Variants in DYM observed in about 807,000 individuals in gnomAD.
DYM encodes the protein dyggve-Melchior-Clausen syndrome protein.
A neutral mutation model predicts 93.1 loss-of-function variants in DYM; 78 were observed. The observed-to-expected ratio is 0.84, with a 90% CI of 0.70 to 1.01. The LOEUF is 1.01. DYM is among the 50% of genes least tolerant of loss of function. The pLI is 0.00. For synonymous variants in DYM, 321 were observed against 319.7 expected, an observed-to-expected ratio of 1.00 and a Z score of -0.04; for missense variants, 789 against 845.0, an observed-to-expected ratio of 0.93 and a Z score of 0.82.
intron 8 of DYM, among the ~76,000 whole-genome samples, chr18:49,329,176 T>C (rs2063134304): frequency 6.6e-6 from 1 of 151,256 alleles, no homozygotes; most frequent in Non-Finnish European, 1.5e-5. Flanking sequence ...GAGCAAACTA[T>C]TGCAAGGACA....
At chr18:49,048,654 G>A (rs1037112160) in intron 17 of DYM, among the ~76,000 whole-genome samples, 1 of 148,594 alleles carries the variant, frequency 6.7e-6, no homozygotes, top group African/African-American at 2.6e-5. Context: ...CAGAAACTTA[G>A]GCAAGGCTGC....
chr18:49,323,757 C>A (rs2062679295), intron 8 of DYM, among the ~76,000 whole-genome samples: 1 of 152,206 alleles, frequency 6.6e-6, no homozygotes, highest in Non-Finnish European at 1.5e-5. Flanking sequence ...TATTTTGTTA[C>A]ATTAGCCCAA....
chr18:49,331,187 A>G (rs1198489265), intron 8 of DYM, among the ~76,000 whole-genome samples: 1 of 152,220 alleles, frequency 6.6e-6, no homozygotes, highest in African/African-American at 2.4e-5. Context: ...CGACCTCACA[A>G]GTACCAAAGT....
At chr18:49,335,949 G>C (rs2063635213) in intron 6 of DYM, among the ~76,000 whole-genome samples, 1 of 152,070 alleles carries the variant, frequency 6.6e-6, no homozygotes. Flanking sequence ...AAGTAGCTGG[G>C]ACTACAGGCA....
intron 15 of DYM, among the ~76,000 whole-genome samples, chr18:49,144,265 A>T (rs2084839694): frequency 6.6e-6 from 1 of 151,768 alleles, no homozygotes; most frequent in African/African-American, 2.4e-5. Flanking sequence ...TTTCCCCAGA[A>T]AATTGGTAGC....
intron 13 of DYM, among the ~76,000 whole-genome samples, chr18:49,213,367 G>A (rs2092880738): frequency 6.6e-6 from 1 of 151,320 alleles, no homozygotes; most frequent in African/African-American, 2.4e-5. Flanking sequence ...CATGATCTCG[G>A]CTCACTGCAA....
intron 15 of DYM, among the ~76,000 whole-genome samples, chr18:49,159,439 G>C (rs1490450361): frequency 6.6e-6 from 1 of 152,182 alleles, no homozygotes; most frequent in African/African-American, 2.4e-5. Context: ...ATTAATAAAA[G>C]CTATGAAGTC....
In DYM at chr18:49,241,315, C is replaced by T. The variant is rs770198506; in HGVS notation, c.1460+15695G>A. Among the ~76,000 whole-genome samples, 5 of 152,288 alleles carry T rather than the reference C, an allele frequency of 3.3e-5. No individual in the cohort carries two copies. In the East Asian group the frequency reaches 9.6e-4, roughly 29 times the overall value. On this transcript the variant is annotated intron_variant, in intron 13 of 17. Coordinates refer to ENST00000675505, the MANE Select transcript of DYM (RefSeq NM_001353214.3). The stretch of plus-strand genomic sequence containing the variant: ...AGGTCTGCCAAAAAGAACATTTCTA[C>T]GCTAGGGTCAAACTTGGATTTCAAT...
intron 2 of DYM, among the ~76,000 whole-genome samples, chr18:49,399,934 C>CTTTTTTTTTTTTTTT (rs1201370040): frequency 8.0e-4 from 53 of 66,120 alleles, no homozygotes; most frequent in Non-Finnish European, 9.9e-4. Context: ...TTTTATTTTT[C>CTTTTTTTTTTTTTTT]TTTTTTTTTT....
intron 14 of DYM, among the ~76,000 whole-genome samples, chr18:49,179,093 G>A (rs2089668660): frequency 6.6e-6 from 1 of 152,082 alleles, no homozygotes; most frequent in African/African-American, 2.4e-5. Context: ...CAAGAGAGGT[G>A]ACAACTAGAC....
intron 2 of DYM, among the ~76,000 whole-genome samples, chr18:49,422,504 C>A (rs915659900): frequency 6.6e-6 from 1 of 152,126 alleles, no homozygotes; most frequent in African/African-American, 2.4e-5. Context: ...GGCAAAATAA[C>A]CAGCTAACAT....
At chr18:49,107,879 T>C (rs531408030) in intron 16 of DYM, among the ~76,000 whole-genome samples, 5 of 152,316 alleles carry the variant, frequency 3.3e-5, no homozygotes, top group Admixed American at 3.3e-4. Context: ...AGGCAGTCTG[T>C]CCATTCTCAG....
At chr18:49,261,749 C>T (rs76416638) in intron 11 of DYM, among the ~76,000 whole-genome samples, 13,780 of 152,110 alleles carry the variant, frequency 0.091, 835 homozygotes, top group East Asian at 0.31. Context: ...GTACAAAAAA[C>T]AATTGACATC....
chr18:49,203,443 C>A (rs981989555), intron 14 of DYM, among the ~76,000 whole-genome samples: 3 of 147,306 alleles, frequency 2.0e-5, no homozygotes, highest in African/African-American at 7.8e-5. Context: ...ATTGAGAAAT[C>A]GGATGGTTGC....
intron 15 of DYM, among the ~76,000 whole-genome samples, chr18:49,124,530 T>C (rs1464701855): frequency 2.6e-5 from 4 of 151,074 alleles, no homozygotes; most frequent in Non-Finnish European, 3.0e-5. Flanking sequence ...AAAAAGAAAC[T>C]TTATATTAAT....
chr18:49,421,791 C>G (rs183163529), intron 2 of DYM, among the ~76,000 whole-genome samples: 10 of 152,128 alleles, frequency 6.6e-5, no homozygotes, highest in Admixed American at 6.5e-4. Context: ...TAGAATAAAC[C>G]GCATAGAGAA....
intron 8 of DYM, among the ~76,000 whole-genome samples, chr18:49,331,180 C>A (rs1006185865): frequency 6.6e-6 from 1 of 152,174 alleles, no homozygotes; most frequent in Non-Finnish European, 1.5e-5. Flanking sequence ...CCCAGGCCGA[C>A]CTCACAAGTA....
At chr18:49,166,485 A>C (rs780792872) in intron 14 of DYM, among the ~76,000 whole-genome samples, 13 of 152,298 alleles carry the variant, frequency 8.5e-5, no homozygotes, top group Middle Eastern at 3.4e-3. Context: ...CCTGAGTGAG[A>C]CTATCTTTTG....
chr18:49,335,026 G>C (rs2063560143), intron 6 of DYM, among the ~76,000 whole-genome samples: 1 of 152,160 alleles, frequency 6.6e-6, no homozygotes, highest in African/African-American at 2.4e-5. Flanking sequence ...AGAATGGCTT[G>C]AACCTGGGAG....
Sources: gnomAD v4.1 joint callset for allele counts (sites outside exome capture counted in the v4.1 genomes callset) on GRCh38, gnomAD v4.1.1 for gene constraint, MANE v1.5 for transcripts, NCBI Gene and HGNC (gene_info 2026-07-23, HGNC 2026-07-21) for gene names.